Variants in CFAP47 observed in about 807,000 individuals in gnomAD.
CFAP47 encodes the protein cilia and flagella associated protein 47.
In CFAP47, 29 loss-of-function variants were observed where a neutral mutation model predicts 148.1. That is an observed-to-expected ratio of 0.20 (90% confidence interval 0.15 to 0.27). CFAP47 has a LOEUF of 0.27. Among genes scored for constraint, CFAP47 ranks in the 10% least tolerant of loss-of-function variants. The pLI is 1.00. For missense variants in CFAP47, 1,872 were observed against 1,697.5 expected, an observed-to-expected ratio of 1.10 and a Z score of -1.81; for synonymous variants, 664 against 577.3, an observed-to-expected ratio of 1.15 and a Z score of -2.15.
At chrX:36,291,780 A>G (rs2146951551) in intron 51 of CFAP47, among the ~76,000 whole-genome samples, 1 of 111,309 alleles carries the variant, frequency 9.0e-6, no homozygotes, top group African/African-American at 3.3e-5. Flanking sequence ...GCTGGCCTAC[A>G]TGGTCATTCA....
Position 36,137,098 on chromosome X carries a change from G to A in CFAP47, c.5321-860G>A, listed in dbSNP as rs893837421. Reference sequence around the variant, plus strand: ...CCAATTCCAGGTGTAAAGCAATCCCGGTTTTGAAGCTAATATACATGTCAT... The same window carrying A: ...CCAATTCCAGGTGTAAAGCAATCCCAGTTTTGAAGCTAATATACATGTCAT... On this transcript the variant is annotated intron_variant, in intron 33 of 63. Coordinates refer to ENST00000378653, the MANE Select transcript of CFAP47 (RefSeq NM_001304548.2). Among the ~76,000 whole-genome samples, 4 of 110,806 alleles carry A rather than the reference G, an allele frequency of 3.6e-5. No individual in the cohort carries two copies. In the South Asian group the frequency reaches 1.5e-3, roughly 42 times the overall value.
At chrX:35,997,530 T>A (rs1601923083) in intron 19 of CFAP47, 141 bp downstream of exon 19, 2 of 227,048 alleles carry the variant, frequency 8.8e-6, no homozygotes, top group East Asian at 1.3e-4. Context: ...AGTTAAAAAT[T>A]AATAAAAATT....
At chrX:36,200,583 C>G in intron 43 of CFAP47, 90 bp downstream of exon 43, 1 of 287,831 alleles carries the variant, frequency 3.5e-6, no homozygotes, top group East Asian at 4.9e-5. Context: ...TAGCAAGCTT[C>G]TCTTCTGTGT....
chrX:36,128,901 A>G (rs1028850343), intron 33 of CFAP47, among the ~76,000 whole-genome samples: 2 of 110,140 alleles, frequency 1.8e-5, no homozygotes, highest in Non-Finnish European at 3.8e-5. Flanking sequence ...GCTTTAACTT[A>G]CTTGAATGAT....
Position 36,031,173 on chromosome X carries a change from G to A in CFAP47, c.3557-80G>A, listed in dbSNP as rs151018037. The A allele has an allele frequency of 2.6e-3, 709 of 271,560 alleles. 7 individuals are homozygous for A. Among genetic ancestry groups the A allele is most frequent in the African/African-American group, 0.018 (650 of 35,591 alleles). 22.4% of individuals were successfully genotyped at this position (271,560 alleles called of 1,213,427 possible). On this transcript the variant is annotated intron_variant, in intron 22 of 63. Transcript: ENST00000378653. ...ACAAATCTTATTTTCTTATTGTTTA[G>A]TGTTTTAAAGTATACTAAAAAGTAC...
At chrX:36,217,563 T>C (rs1940171152) in intron 45 of CFAP47, among the ~76,000 whole-genome samples, 1 of 111,998 alleles carries the variant, frequency 8.9e-6, no homozygotes, top group African/African-American at 3.2e-5. Flanking sequence ...TATCTTCTCA[T>C]AGTCAGAGTC....
rs1357582882 is a variant in CFAP47, at chrX:36,296,848, C to T, written c.7687-2129C>T. Among the ~76,000 whole-genome samples the T allele has an allele frequency of 2.2e-4, 25 of 111,589 alleles. 1 individual carries two copies. The Admixed American group carries it at 2.4e-3, about 11-fold the overall frequency. ...TTTTCTAGTGGTTGTTATTTTTGACCATTGGAAATTATTTAGTGGCCAAGT... is the reference window on the plus strand; with the variant it reads ...TTTTCTAGTGGTTGTTATTTTTGACTATTGGAAATTATTTAGTGGCCAAGT... On this transcript the variant is annotated intron_variant, in intron 51 of 63. Coordinates refer to ENST00000378653, the MANE Select transcript of CFAP47 (RefSeq NM_001304548.2).
intron 25 of CFAP47, among the ~76,000 whole-genome samples, chrX:36,042,420 T>C (rs1937416844): frequency 9.0e-6 from 1 of 111,518 alleles, no homozygotes. Flanking sequence ...AAGGAGATTT[T>C]TTAAAACTGG....
intron 62 of CFAP47, among the ~76,000 whole-genome samples, chrX:36,372,621 A>T (rs1251751838): frequency 9.0e-6 from 1 of 111,688 alleles, no homozygotes; most frequent in Non-Finnish European, 1.9e-5. Flanking sequence ...ATACTGAATA[A>T]TGAAGGCACC....
intron 36 of CFAP47, among the ~76,000 whole-genome samples, chrX:36,146,710 C>T (rs1431915901): frequency 1.8e-5 from 2 of 111,163 alleles, no homozygotes; most frequent in African/African-American, 6.5e-5. Flanking sequence ...TACCACCAAC[C>T]CTATCAATGT....
In CFAP47 at chrX:36,109,470, A is replaced by G. The variant is rs760177431; in HGVS notation, c.5320+4779A>G. Among the ~76,000 whole-genome samples the G allele has an allele frequency of 3.5e-4, 39 of 110,286 alleles. 1 individual carries two copies. Among genetic ancestry groups the G allele is most frequent in the Non-Finnish European group, 1.1e-4 (6 of 52,645 alleles). ...CTCAAGCCCCTGTTACTTTTCGACT[A>G]TATTTTTTTATTTTTTATTTTTTTG... On this transcript the variant is annotated intron_variant, in intron 33 of 63. Transcript: ENST00000378653.
At chrX:36,060,513 G>A (rs1018926932) in intron 26 of CFAP47, among the ~76,000 whole-genome samples, 14 of 111,350 alleles carry the variant, frequency 1.3e-4, no homozygotes, top group Admixed American at 4.8e-4. Context: ...CCAATGAGAT[G>A]GTTCATGTGA....
At chrX:36,253,913 A>G (rs1242690099) in intron 49 of CFAP47, among the ~76,000 whole-genome samples, 4 of 111,886 alleles carry the variant, frequency 3.6e-5, no homozygotes. Context: ...AGGATGCCTC[A>G]GGACCTAGAT....
At chrX:36,000,675 A>G (rs143740380) in intron 20 of CFAP47, among the ~76,000 whole-genome samples, 109 of 110,715 alleles carry the variant, frequency 9.8e-4, no homozygotes, top group African/African-American at 3.4e-3. Flanking sequence ...TAAATATGCT[A>G]AGTTAAGTAT....
At chrX:36,148,646 A>G (rs1939267341) in intron 36 of CFAP47, among the ~76,000 whole-genome samples, 1 of 111,906 alleles carries the variant, frequency 8.9e-6, no homozygotes, top group Non-Finnish European at 1.9e-5. Context: ...GGCCACCATT[A>G]TATTCAGCCT....
At chrX:36,365,847 T>C (rs1462510082) in intron 61 of CFAP47, 1 of 111,793 alleles carries the variant, frequency 8.9e-6, no homozygotes, top group African/African-American at 3.2e-5. Context: ...GCATAGTATT[T>C]CACAGTGTAT....
At chrX:36,242,164 G>A (rs1235323543) in intron 48 of CFAP47, among the ~76,000 whole-genome samples, 1 of 111,996 alleles carries the variant, frequency 8.9e-6, no homozygotes, top group Non-Finnish European at 1.9e-5. Context: ...CACAAACAAA[G>A]CAAACTGACT....
intron 51 of CFAP47, among the ~76,000 whole-genome samples, chrX:36,287,898 C>T (rs1054563472): frequency 5.4e-5 from 6 of 111,750 alleles, no homozygotes; most frequent in Non-Finnish European, 7.5e-5. Context: ...AGATGCTTTC[C>T]AACTACTTTC....
chrX:36,207,461 A>G (rs1374944953), intron 45 of CFAP47, among the ~76,000 whole-genome samples: 1 of 111,253 alleles, frequency 9.0e-6, no homozygotes, highest in Non-Finnish European at 1.9e-5. Context: ...AAAAGAAGCT[A>G]GTTTTAAGGT....
Sources: gnomAD v4.1 joint callset for allele counts (sites outside exome capture counted in the v4.1 genomes callset) on GRCh38, gnomAD v4.1.1 for gene constraint, MANE v1.5 for transcripts, NCBI Gene and HGNC (gene_info 2026-07-23, HGNC 2026-07-21) for gene names.